NEDD9: variants seen among roughly 807,000 people sequenced by gnomAD.
NEDD9 encodes neural precursor cell expressed, developmentally down-regulated 9, also known as enhancer of filamentation 1.
In NEDD9, 26 loss-of-function variants were observed where a neutral mutation model predicts 76.6. That is an observed-to-expected ratio of 0.34 (90% CI 0.25 to 0.47). The LOEUF (loss-of-function observed/expected upper bound fraction) is 0.47. Ranked by LOEUF, NEDD9 falls within the 20% of genes least tolerant of loss-of-function variation. NEDD9 has a pLI of 1.00. For synonymous variants in NEDD9, 392 were observed against 414.2 expected (o/e 0.95, Z 0.65); for missense variants, 937 against 1,058.5 (o/e 0.89, Z 1.59).
chr6:11,347,904 A>G (rs573387596), intron 1 of NEDD9, among the ~76,000 whole-genome samples: 2 of 152,192 alleles, frequency 1.3e-5, no homozygotes, highest in Non-Finnish European at 2.9e-5. Context: ...GCCCTCTCTC[A>G]CCACTCCTAT....
Position 11,363,341 on chromosome 6 carries a change from A to C in NEDD9, c.-214+18798T>G, listed in dbSNP as rs574007873. Among the ~76,000 whole-genome samples, 12 of 152,338 alleles carry C rather than the reference A, an allele frequency of 7.9e-5. No individual in the cohort carries two copies. The South Asian group carries it at 1.9e-3, about 24-fold the overall frequency. Reference sequence around the variant, plus strand: ...TTTGTCAGATTTTTTTTAAGCCTAAAAATGGTTTACAATGGGATGATTTCA... The same window carrying C: ...TTTGTCAGATTTTTTTTAAGCCTAACAATGGTTTACAATGGGATGATTTCA... On this transcript the variant is annotated intron_variant, in intron 1 of 3. Coordinates refer to the NEDD9 transcript ENST00000397378.
Position 11,191,200 on chromosome 6 carries a change from A to G in NEDD9, c.669T>C (p.Tyr223=), listed in dbSNP as rs1345770086. ...VYDIPPTKGV[Y]AIPPSACRDE... ...CCCGGCAAGCAGAGGGCGGAATGGC[A>G]TATACCTGCAAAGCAAGTAGAAAGC... Residue 223 remains tyrosine, a synonymous_variant, in exon 5 of 7, where the codon TAT becomes TAC. Coordinates refer to ENST00000379446, the MANE Select transcript of NEDD9 (RefSeq NM_006403.4). 7 of 1,585,696 alleles carry G rather than the reference A, an allele frequency of 4.4e-6. No individual in the cohort carries two copies. Among genetic ancestry groups the G allele is most frequent in the Middle Eastern group, 1.7e-4 (1 of 5,932 alleles).
Position 11,206,126 on chromosome 6 carries a change from T to C in NEDD9, c.459+7155A>G, listed in dbSNP as rs1262000974. 2.0e-5 allele frequency among the ~76,000 whole-genome samples: 3 copies of C among 152,310 alleles called. No homozygotes were observed. In the East Asian group the frequency reaches 5.8e-4, roughly 29 times the overall value. On this transcript the variant is annotated intron_variant, in intron 2 of 6. Transcript: ENST00000379446. ...GTCAAGCAAGTCTTTTTTTAAAGATTTGTACAACCAGGCCGGGCGTGATGG... is the reference window on the plus strand; with the variant it reads ...GTCAAGCAAGTCTTTTTTTAAAGATCTGTACAACCAGGCCGGGCGTGATGG...
At chr6:11,368,741 C>T (rs1234606998) in intron 1 of NEDD9, among the ~76,000 whole-genome samples, 1 of 152,122 alleles carries the variant, frequency 6.6e-6, no homozygotes, top group East Asian at 1.9e-4. Flanking sequence ...TTCATGTATC[C>T]TATAAGCCTT....
chr6:11,276,547 T>C (rs1760421260), intron 3 of NEDD9, among the ~76,000 whole-genome samples: 1 of 152,234 alleles, frequency 6.6e-6, no homozygotes, highest in South Asian at 2.1e-4. Flanking sequence ...AGGGTGCTGC[T>C]GTTGCTGCTA....
At chr6:11,291,740 TGGGTTA>T (rs1671969501) in intron 3 of NEDD9, among the ~76,000 whole-genome samples, 1 of 152,184 alleles carries the variant, frequency 6.6e-6, no homozygotes. Flanking sequence ...GGTGCCTCTG[TGGGTTA>T]CAGCACCATG....
intron 2 of NEDD9, among the ~76,000 whole-genome samples, chr6:11,308,088 C>T (rs917129014): frequency 7.9e-5 from 12 of 152,110 alleles, no homozygotes; most frequent in African/African-American, 2.2e-4. Flanking sequence ...AGTCCTTATT[C>T]CTGACGGGGG....
At chr6:11,313,097 GATGGATGGGTAGATGA>G (rs1310972532) in intron 2 of NEDD9, among the ~76,000 whole-genome samples, 94 of 152,304 alleles carry the variant, frequency 6.2e-4, no homozygotes, top group African/African-American at 2.0e-3. Context: ...TGGGTAGATA[GATGGATGGGTAGATGA>G]ATGGATGGGT....
At chr6:11,378,961 G>T (rs547694903) in intron 1 of NEDD9, among the ~76,000 whole-genome samples, 330 of 152,304 alleles carry the variant, frequency 2.2e-3, no homozygotes, top group African/African-American at 7.6e-3. Flanking sequence ...CCCATTTTTA[G>T]GTGTCTATAC....
At chr6:11,295,172 T>A (rs1051079485) in intron 3 of NEDD9, among the ~76,000 whole-genome samples, 1 of 152,202 alleles carries the variant, frequency 6.6e-6, no homozygotes, top group Non-Finnish European at 1.5e-5. Context: ...CTAATACAAT[T>A]AGTGATATTG....
intron 3 of NEDD9, among the ~76,000 whole-genome samples, chr6:11,246,850 G>A (rs77122139): frequency 1.3e-5 from 2 of 152,240 alleles, no homozygotes; most frequent in East Asian, 1.9e-4. Context: ...ACAGGCTCTC[G>A]TTGCCTCCAG....
rs573751257 is a variant in NEDD9 at position 11,206,500 on chromosome 6, TCA to T, written c.459+6779_459+6780del. On this transcript the variant is annotated intron_variant, in intron 2 of 6. Transcript: ENST00000379446. The stretch of plus-strand genomic sequence containing the variant: ...ATAAATTTATTCTGTTTTCTCTCTC[TCA>T]CAGTGTTCTCCTACTTAGCCAGACA... Among the ~76,000 whole-genome samples the T allele has an allele frequency of 1.8e-3, 276 of 152,336 alleles. 1 individual carries two copies. Among genetic ancestry groups the T allele is most frequent in the African/African-American group, 6.5e-3 (270 of 41,572 alleles).
At chr6:11,215,722 C>G (rs1276940429) in intron 1 of NEDD9, among the ~76,000 whole-genome samples, 1 of 152,102 alleles carries the variant, frequency 6.6e-6, no homozygotes, top group African/African-American at 2.4e-5. Flanking sequence ...ATCGGGAAGC[C>G]CCCACATGAA....
chr6:11,263,115 A>G (rs1304957447), intron 3 of NEDD9, among the ~76,000 whole-genome samples: 1 of 152,234 alleles, frequency 6.6e-6, no homozygotes, highest in African/African-American at 2.4e-5. Flanking sequence ...CTTTATTTCA[A>G]AGCTATTAAA....
chr6:11,192,444 T>C lies in NEDD9; in HGVS notation c.564A>G (p.Val188=). 6.2e-7 allele frequency: 1 copy of C among 1,610,414 alleles called. No individual in the cohort carries two copies. The highest frequency in any genetic ancestry group is 8.5e-7 in the Non-Finnish European group (1 of 1,178,252). ...DIPPSHTTQG[V]YDIPPSSAKG... Reference sequence around the variant, plus strand: ...TTGCTGATGAGGGAGGGATGTCGTATACCTGAAGAGAAACCCGTGAGTTAC... The same window carrying C: ...TTGCTGATGAGGGAGGGATGTCGTACACCTGAAGAGAAACCCGTGAGTTAC... Residue 188 remains valine, a splice_region_variant and synonymous_variant, in exon 4 of 7, where the codon GTA becomes GTG. Transcript: ENST00000379446.
chr6:11,352,435 G>T (rs983131430), intron 1 of NEDD9: 2 of 152,132 alleles, frequency 1.3e-5, no homozygotes, highest in East Asian at 3.9e-4. Context: ...ATTCCCCTGA[G>T]AACATACACT....
At chr6:11,290,501 T>C (rs1312328551) in intron 3 of NEDD9, among the ~76,000 whole-genome samples, 1 of 152,206 alleles carries the variant, frequency 6.6e-6, no homozygotes, top group African/African-American at 2.4e-5. Flanking sequence ...GGTTGGCTAC[T>C]GGCACTTGCT....
At chr6:11,187,680 GA>G (rs1209133950) in intron 6 of NEDD9, among the ~76,000 whole-genome samples, 1 of 152,224 alleles carries the variant, frequency 6.6e-6, no homozygotes, top group East Asian at 1.9e-4. Flanking sequence ...GCCATCTATA[GA>G]AGTTCTGAGT....
At chr6:11,189,661 C>T (rs922867967) in intron 5 of NEDD9, among the ~76,000 whole-genome samples, 11 of 152,212 alleles carry the variant, frequency 7.2e-5, no homozygotes, top group Admixed American at 2.0e-4. Flanking sequence ...GGTATATCAA[C>T]GGGATCTAAT....
Sources: gnomAD v4.1 joint callset for allele counts (sites outside exome capture counted in the v4.1 genomes callset) on GRCh38, gnomAD v4.1.1 for gene constraint, MANE v1.5 for transcripts, NCBI Gene and HGNC (gene_info 2026-07-23, HGNC 2026-07-21) for gene names.